Variants in DHX15 observed in about 807,000 individuals in gnomAD.
The protein encoded by DHX15 is DEAH-box helicase 15, also known as ATP-dependent RNA helicase DHX15.
DHX15 carries 11 observed loss-of-function variants against 94.4 expected under a neutral mutation model. The ratio of observed to expected loss-of-function variants is 0.12; its 90% CI spans 0.07 to 0.19. DHX15 has a LOEUF of 0.19. DHX15 is among the 10% of genes least tolerant of loss of function. The pLI is 1.00. For missense variants in DHX15, 304 were observed against 988.5 expected (o/e 0.31, Z 9.29); for synonymous variants, 338 against 329.9 (o/e 1.02, Z -0.27).
In DHX15 at chr4:24,528,100, G is replaced by C. The variant is rs1720998773; in HGVS notation, c.2271-59C>G. The C allele has an allele frequency of 3.4e-6, 4 of 1,160,862 alleles. No homozygotes were observed. The South Asian group carries it at 5.0e-5, about 15-fold the overall frequency. 71.9% of individuals were successfully genotyped at this position (1,160,862 alleles called of 1,614,324 possible). ...AACATTTAATTGAAGTACTGGAGTT[G>C]TTAATAGGATAGGCATTATTCATTA... On this transcript the variant is annotated intron_variant, in intron 13 of 13. Coordinates refer to ENST00000336812, the MANE Select transcript of DHX15 (RefSeq NM_001358.3).
At chr4:24,567,602 C>T (rs1560773573) in intron 3 of DHX15, among the ~76,000 whole-genome samples, 1 of 151,322 alleles carries the variant, frequency 6.6e-6, no homozygotes, top group South Asian at 2.1e-4. Flanking sequence ...AAAGTTACAA[C>T]CACAGACAAA....
At chr4:24,558,548 C>T (rs1721792045) in intron 3 of DHX15, among the ~76,000 whole-genome samples, 1 of 152,040 alleles carries the variant, frequency 6.6e-6, no homozygotes, top group African/African-American at 2.4e-5. Context: ...TTTTATTGTG[C>T]TTTATTAACT....
In DHX15 at chr4:24,584,506, C is replaced by G; in HGVS notation, c.-113G>C. ...ACCCCCACCCCTCCCGCTACTACAGCCCACACGGTGCGGCCGGAACCAACA... is the reference window on the plus strand; with the variant it reads ...ACCCCCACCCCTCCCGCTACTACAGGCCACACGGTGCGGCCGGAACCAACA... On this transcript the variant is annotated 5_prime_UTR_variant, in exon 1 of 14. Transcript: ENST00000336812. 9.5e-7 allele frequency: 1 copy of G among 1,057,390 alleles called. No individual in the cohort carries two copies. Among genetic ancestry groups the G allele is most frequent in the Middle Eastern group, 2.1e-4 (1 of 4,848 alleles). The allele number at this position is 1,057,390 out of a possible 1,614,324, so 65.5% of individuals were successfully genotyped here. A position where few individuals can be genotyped will look rare whatever the true frequency, so the allele number is the denominator to read the frequency against.
rs1269209546 is a variant in DHX15 at position 24,570,805 on chromosome 4, G to C, written c.550C>G (p.Pro184Ala). The C allele has an allele frequency of 1.2e-6, 2 of 1,614,072 alleles. No individual in the cohort carries two copies. The highest frequency in any genetic ancestry group is 1.7e-5 in the Admixed American group (1 of 60,002). The change falls in exon 3 of 14, where the codon CCC becomes GCC. Residue 184 changes from proline (P) to alanine (A), a missense_variant. Around this residue, in one of 9 missense-constraint regions of DHX15, gnomAD observed 10 missense variants for 18.4 expected, o/e 0.54. Coordinates refer to ENST00000336812, the MANE Select transcript of DHX15 (RefSeq NM_001358.3). ...CVEYMRSLPG[P>A]KRGVACTQPR... ...TGGGTACAGGCAACTCCTCTCTTGG[G>C]TCCTGGTAATGATCGCATGTACTCC...
intron 3 of DHX15, among the ~76,000 whole-genome samples, chr4:24,557,514 C>A (rs1721763414): frequency 6.6e-6 from 1 of 152,162 alleles, no homozygotes; most frequent in Admixed American, 6.5e-5. Context: ...TAGTGTACAA[C>A]AAAAAGAAGT....
intron 11 of DHX15, among the ~76,000 whole-genome samples, chr4:24,535,125 T>G (rs1203708537): frequency 2.0e-5 from 3 of 152,154 alleles, no homozygotes; most frequent in African/African-American, 7.2e-5. Flanking sequence ...CAGTGAGAGA[T>G]CATAGTACCT....
chr4:24,551,666 A>C (rs1343565375), intron 5 of DHX15, among the ~76,000 whole-genome samples: 1 of 152,232 alleles, frequency 6.6e-6, no homozygotes, highest in Non-Finnish European at 1.5e-5. Flanking sequence ...TATCTAGATT[A>C]GAATGCCCCC....
chr4:24,577,507 T>C (rs1261566718), intron 1 of DHX15, among the ~76,000 whole-genome samples: 3 of 152,182 alleles, frequency 2.0e-5, no homozygotes, highest in Non-Finnish European at 4.4e-5. Flanking sequence ...TAAATCTATG[T>C]ACCTTGGTCT....
Position 24,584,546 on chromosome 4 carries a change from G to A in DHX15, c.-153C>T, listed in dbSNP as rs1722566611. The A allele has an allele frequency of 4.2e-6, 3 of 718,020 alleles. No homozygotes were observed. The South Asian group carries it at 6.5e-5, about 16-fold the overall frequency. 44.5% of individuals were successfully genotyped at this position (718,020 alleles called of 1,614,324 possible). On this transcript the variant is annotated 5_prime_UTR_variant, in exon 1 of 14. Transcript: ENST00000336812. ...CGGAACCAACAGCTAAAATGGCGGCGGCGACGAGGGCTGGGCCTGCGCGCG... is the reference window on the plus strand; with the variant it reads ...CGGAACCAACAGCTAAAATGGCGGCAGCGACGAGGGCTGGGCCTGCGCGCG...
chr4:24,532,839 AT>A, intron 12 of DHX15, 24 bp downstream of exon 12: 1 of 1,514,962 alleles, frequency 6.6e-7, no homozygotes. Flanking sequence ...ATACTTAGTT[AT>A]TCATTCCCAT....
chr4:24,555,248 T>C (rs1053244822), intron 4 of DHX15, among the ~76,000 whole-genome samples: 8 of 151,446 alleles, frequency 5.3e-5, no homozygotes, highest in Admixed American at 1.3e-4. Flanking sequence ...TAATATGCAG[T>C]ATAATTATTG....
chr4:24,571,344 T>TC (rs1352774854), intron 2 of DHX15, among the ~76,000 whole-genome samples: 1 of 152,052 alleles, frequency 6.6e-6, no homozygotes, highest in African/African-American at 2.4e-5. Context: ...TCCTATCCTT[T>TC]CCCCCTCAGG....
At chr4:24,545,718 T>G (rs1465660183) in intron 6 of DHX15, among the ~76,000 whole-genome samples, 1 of 152,204 alleles carries the variant, frequency 6.6e-6, no homozygotes, top group Non-Finnish European at 1.5e-5. Flanking sequence ...CATGTTCTAA[T>G]TGTAAATGGC....
At chr4:24,542,046 G>C (rs1417851244) in intron 7 of DHX15, 24 bp from the exon 8 acceptor site, 1 of 1,561,800 alleles carries the variant, frequency 6.4e-7, no homozygotes, top group Non-Finnish European at 8.7e-7. Context: ...AATAACACAA[G>C]AGTCTTTCTT....
intron 6 of DHX15, among the ~76,000 whole-genome samples, chr4:24,547,952 T>TAC (rs1191925438): frequency 1.2e-5 from 1 of 81,846 alleles, no homozygotes; most frequent in African/African-American, 4.9e-5. Context: ...TCTATATCTA[T>TAC]ATCTATATCT....
At chr4:24,574,205 C>CAAAAAAAAAAAAAAAA (rs61031930) in intron 2 of DHX15, among the ~76,000 whole-genome samples, 2,006 of 68,670 alleles carry the variant, frequency 0.029, 243 homozygotes, top group South Asian at 0.044. Context: ...GACTTTGTCT[C>CAAAAAAAAAAAAAAAA]AAAAAAAAAA....
intron 11 of DHX15, among the ~76,000 whole-genome samples, chr4:24,535,008 T>A (rs903172863): frequency 6.6e-6 from 1 of 151,922 alleles, no homozygotes; most frequent in Non-Finnish European, 1.5e-5. Context: ...AATCAGTGAT[T>A]AAAGGCTAAA....
intron 1 of DHX15, among the ~76,000 whole-genome samples, chr4:24,583,484 A>AC (rs368358776): frequency 2.0e-5 from 3 of 151,760 alleles, no homozygotes; most frequent in Non-Finnish European, 4.4e-5. Context: ...AAAAAAAAAA[A>AC]CAATGCCTTC....
At chr4:24,534,918 C>T (rs1377334636) in intron 11 of DHX15, among the ~76,000 whole-genome samples, 1 of 149,054 alleles carries the variant, frequency 6.7e-6, no homozygotes, top group Non-Finnish European at 1.5e-5. Context: ...ATGGATATAT[C>T]GAAATAATAA....
Sources: gnomAD v4.1 joint callset for allele counts (sites outside exome capture counted in the v4.1 genomes callset) on GRCh38, gnomAD v4.1.1 for gene constraint, gnomAD v4.1.1 regional missense constraint, MANE v1.5 for transcripts, NCBI Gene and HGNC (gene_info 2026-07-23, HGNC 2026-07-21) for gene names.